Variants in LOC400499 observed in about 807,000 individuals in gnomAD.
At chr16:11,459,965 CTT>C in the LOC400499 span, 1 of 1,515,308 alleles carries the variant, frequency 6.6e-7, no homozygotes, top group Non-Finnish European at 8.8e-7. Flanking sequence ...GGAGATGCCT[CTT>C]GTTGCTGTTC....
At chr16:11,481,243 T>C in the LOC400499 span, among the ~76,000 whole-genome samples, 1 of 152,192 alleles carries the variant, frequency 6.6e-6, no homozygotes, top group Non-Finnish European at 1.5e-5. Context: ...AGTGTCTCTT[T>C]TGGGGGTGAT....
At chr16:11,425,199 G>A in the LOC400499 span, 1 of 398,918 alleles carries the variant, frequency 2.5e-6, no homozygotes, top group African/African-American at 2.1e-5. Context: ...CCAGGAGCAG[G>A]CGCCACCCAG....
At chr16:11,465,884 G>A in the LOC400499 span, among the ~76,000 whole-genome samples, 1 of 151,190 alleles carries the variant, frequency 6.6e-6, no homozygotes, top group Non-Finnish European at 1.5e-5. Context: ...GGGAAAGACA[G>A]GGCGAGAAAG....
the LOC400499 span, among the ~76,000 whole-genome samples, chr16:11,496,298 C>T: frequency 6.6e-6 from 1 of 152,220 alleles, no homozygotes; most frequent in East Asian, 1.9e-4. Flanking sequence ...AACTCCTGAC[C>T]TCAGGTGATC....
the LOC400499 span, among the ~76,000 whole-genome samples, chr16:11,463,386 G>A: frequency 5.3e-5 from 8 of 150,066 alleles, no homozygotes; most frequent in East Asian, 1.9e-4. Flanking sequence ...GTGCGGATGT[G>A]TGTGTATGAA....
the LOC400499 span, among the ~76,000 whole-genome samples, chr16:11,405,460 T>C: frequency 1.1e-4 from 16 of 152,040 alleles, no homozygotes; most frequent in African/African-American, 3.6e-4. Context: ...ACAAGAGACA[T>C]TCAAGGGAGA....
At chr16:11,421,277 C>G in the LOC400499 span, among the ~76,000 whole-genome samples, 1 of 152,216 alleles carries the variant, frequency 6.6e-6, no homozygotes, top group Non-Finnish European at 1.5e-5. Flanking sequence ...CACCACACAG[C>G]TGGCTCCCTG....
At chr16:11,468,245 T>G in the LOC400499 span, among the ~76,000 whole-genome samples, 1 of 152,248 alleles carries the variant, frequency 6.6e-6, no homozygotes, top group Non-Finnish European at 1.5e-5. Flanking sequence ...AACACAGATT[T>G]CTCAGGGCGT....
At chr16:11,446,855 C>T in the LOC400499 span, 1 of 1,536,076 alleles carries the variant, frequency 6.5e-7, no homozygotes, top group South Asian at 1.2e-5. Flanking sequence ...CGCCTATCAG[C>T]TGTGAAGGTC....
chr16:11,402,755 G>A, the LOC400499 span, among the ~76,000 whole-genome samples: 2 of 152,158 alleles, frequency 1.3e-5, no homozygotes, highest in Non-Finnish European at 2.9e-5. Context: ...AGCTGCCCAG[G>A]TGACCCACAG....
the LOC400499 span, among the ~76,000 whole-genome samples, chr16:11,500,164 T>C: frequency 6.6e-6 from 1 of 152,134 alleles, no homozygotes; most frequent in Admixed American, 6.6e-5. Context: ...CAGCATTTCA[T>C]TCCTCACTAT....
the LOC400499 span, among the ~76,000 whole-genome samples, chr16:11,476,192 G>T: frequency 6.6e-6 from 1 of 151,982 alleles, no homozygotes; most frequent in African/African-American, 2.4e-5. Context: ...AACAGGGGCA[G>T]ATGCGAGGAG....
chr16:11,481,659 G>A, the LOC400499 span, among the ~76,000 whole-genome samples: 1 of 151,426 alleles, frequency 6.6e-6, no homozygotes, highest in Non-Finnish European at 1.5e-5. Flanking sequence ...TTGAGACGGA[G>A]TCTTGCTCTG....
chr16:11,435,864 C>T, the LOC400499 span: 11 of 399,000 alleles, frequency 2.8e-5, no homozygotes, highest in East Asian at 2.5e-4. Context: ...CTGTAGCGCC[C>T]GGCAGCTGCC....
At chr16:11,380,356 C>T in the LOC400499 span, among the ~76,000 whole-genome samples, 1 of 151,810 alleles carries the variant, frequency 6.6e-6, no homozygotes, top group Non-Finnish European at 1.5e-5. Flanking sequence ...ACAAGGCGGG[C>T]AGATCACGAA....
the LOC400499 span, among the ~76,000 whole-genome samples, chr16:11,443,814 G>C: frequency 3.8e-4 from 58 of 150,720 alleles, no homozygotes; most frequent in South Asian, 1.9e-3. Flanking sequence ...GCCAGGGGTG[G>C]TGACTCTTAT....
At chr16:11,443,603 C>T in the LOC400499 span, 3 of 285,322 alleles carry the variant, frequency 1.1e-5, no homozygotes, top group South Asian at 9.2e-5. Flanking sequence ...CTAGAGGTGT[C>T]AGGAAGAAGA....
the LOC400499 span, chr16:11,391,817 CAGA>C: frequency 5.2e-5 from 64 of 1,232,254 alleles, 1 homozygote; most frequent in South Asian, 2.2e-3. Context: ...GGGACAGCTG[CAGA>C]AGGAGGCCTG....
At chr16:11,425,973 A>G in the LOC400499 span, among the ~76,000 whole-genome samples, 1 of 152,192 alleles carries the variant, frequency 6.6e-6, no homozygotes, top group Non-Finnish European at 1.5e-5. Flanking sequence ...ACCAAATTCA[A>G]TTACATATAG....
Sources: allele counts gnomAD v4.1 joint callset (sites outside exome capture counted in the v4.1 genomes callset), GRCh38; gene constraint gnomAD v4.1.1; transcripts MANE v1.5.